GCFC2: variants seen among roughly 807,000 people sequenced by gnomAD.
The protein encoded by GCFC2 is intron Large complex component GCFC2.
In GCFC2, 102 loss-of-function variants were observed where a neutral mutation model predicts 99.4. The ratio of observed to expected loss-of-function variants is 1.03; its 90% CI spans 0.87 to 1.21. The LOEUF (loss-of-function observed/expected upper bound fraction) is 1.21, where lower values mean the gene tolerates loss of function less well. Among genes scored for constraint, GCFC2 ranks in the 50% most tolerant of loss-of-function variants. GCFC2 has a pLI of 0.00. For missense variants in GCFC2, 973 were observed against 920.9 expected, an observed-to-expected ratio of 1.06 and a Z score of -0.73; for synonymous variants, 338 against 316.8, an observed-to-expected ratio of 1.07 and a Z score of -0.71.
Position 75,679,868 on chromosome 2 carries a change from T to G in GCFC2, c.1812+325A>C, listed in dbSNP as rs73936783. On this transcript the variant is annotated intron_variant, in intron 12 of 16. Transcript: ENST00000321027. Reference sequence around the variant, plus strand: ...ACAGAGAAAAGTAAGCTAATAGGAATGAAAGTCATAATCTGGGTCCTTACA... The same window carrying G: ...ACAGAGAAAAGTAAGCTAATAGGAAGGAAAGTCATAATCTGGGTCCTTACA... 1,288 of 407,434 alleles carry G rather than the reference T, an allele frequency of 3.2e-3. 11 individuals carry two copies. Among genetic ancestry groups the G allele is most frequent in the African/African-American group, 0.024 (1,185 of 48,800 alleles). The allele number at this position is 407,434 out of a possible 1,614,324, so 25.2% of individuals were successfully genotyped here.
rs1488532394 is a variant in GCFC2 at position 75,663,713 on chromosome 2, A to G, written c.*953T>C. ...ATCTCTACAAAAAATTACAAAAATC[A>G]GCTGGGCATGGTGGCGCATGCCTAT... On this transcript the variant is annotated 3_prime_UTR_variant, in exon 17 of 17. Coordinates refer to ENST00000321027, the MANE Select transcript of GCFC2 (RefSeq NM_003203.5). 6.6e-6 allele frequency: 1 copy of G among 152,266 alleles called. No individual in the cohort carries two copies. The highest frequency in any genetic ancestry group is 2.4e-5 in the African/African-American group (1 of 41,424). 9.4% of individuals were successfully genotyped at this position (152,266 alleles called of 1,614,324 possible).
At chr2:75,705,898 C>T (rs562789558) in intron 2 of GCFC2, among the ~76,000 whole-genome samples, 4 of 152,284 alleles carry the variant, frequency 2.6e-5, no homozygotes, top group Admixed American at 1.3e-4. Context: ...TGCTGCAGTG[C>T]AAAAGCACCC....
chr2:75,702,768 G>A (rs921259793), intron 2 of GCFC2, among the ~76,000 whole-genome samples: 14 of 152,354 alleles, frequency 9.2e-5, no homozygotes, highest in African/African-American at 3.4e-4. Context: ...GCGCAGGGAT[G>A]TGGAGAGGGC....
chr2:75,690,757 T>G (rs1418386960), intron 7 of GCFC2, 38 bp from the exon 8 acceptor site: 7 of 1,014,840 alleles, frequency 6.9e-6, no homozygotes, highest in Non-Finnish European at 7.6e-6. Context: ...CTACAAATTC[T>G]CAAAAGAAAA....
chr2:75,705,372 C>T (rs1258957745), intron 2 of GCFC2, among the ~76,000 whole-genome samples: 1 of 151,506 alleles, frequency 6.6e-6, no homozygotes, highest in East Asian at 1.9e-4. Flanking sequence ...GTCTGTAATC[C>T]CAGCACTTTG....
chr2:75,694,138 A>C (rs1680202877), intron 6 of GCFC2, 103 bp downstream of exon 6: 6 of 402,388 alleles, frequency 1.5e-5, no homozygotes, highest in South Asian at 1.2e-4. Flanking sequence ...GTGTAGGAAA[A>C]ATACTAGAGA....
chr2:75,683,771 C>CAAAAGAAAAAA (rs1679683908), intron 11 of GCFC2, among the ~76,000 whole-genome samples: 1 of 60,424 alleles, frequency 1.7e-5, no homozygotes, highest in Non-Finnish European at 3.1e-5. Context: ...AAATGGAAAG[C>CAAAAGAAAAAA]AAAAAAAAAA....
chr2:75,663,296 A>G lies in GCFC2; in HGVS notation c.*1370T>C, dbSNP rs1218799879. ...ATTATCTTTTGAACAACAATTTGCA[A>G]AATATATTTACAGTTTCCCTTAAGT... is the stretch of plus-strand genomic sequence containing the variant. On this transcript the variant is annotated 3_prime_UTR_variant, in exon 17 of 17. Coordinates refer to ENST00000321027, the MANE Select transcript of GCFC2 (RefSeq NM_003203.5). 1.3e-5 allele frequency: 2 copies of G among 152,188 alleles called. No individual in the cohort carries two copies. The highest frequency in any genetic ancestry group is 2.9e-5 in the Non-Finnish European group (2 of 68,026). The allele number at this position is 152,188 out of a possible 1,614,324, so 9.4% of individuals were successfully genotyped here.
intron 6 of GCFC2, among the ~76,000 whole-genome samples, chr2:75,692,931 T>C (rs1456813550): frequency 6.6e-6 from 1 of 152,084 alleles, no homozygotes; most frequent in Non-Finnish European, 1.5e-5. Context: ...GAGCAACAAT[T>C]CCTCCTACTC....
chr2:75,712,340 T>C (rs536501341), upstream of GCFC2, among the ~76,000 whole-genome samples: 35 of 152,250 alleles, frequency 2.3e-4, no homozygotes, highest in African/African-American at 7.0e-4. Context: ...AGTGCACCAA[T>C]AGACATTCTA....
In GCFC2 at chr2:75,701,176, T is replaced by TA. The variant is rs1680572220; in HGVS notation, c.717+13dup. 1 of 1,390,180 alleles carries TA rather than the reference T, an allele frequency of 7.2e-7. No homozygotes were observed. The highest frequency in any genetic ancestry group is 1.0e-6 in the Non-Finnish European group (1 of 977,484). 86.1% of individuals were successfully genotyped at this position (1,390,180 alleles called of 1,614,324 possible). A position where few individuals can be genotyped will look rare whatever the true frequency, so the allele number is the denominator to read the frequency against. On this transcript the variant is annotated intron_variant, in intron 4 of 16. Coordinates refer to ENST00000321027, the MANE Select transcript of GCFC2 (RefSeq NM_003203.5). The stretch of plus-strand genomic sequence containing the variant: ...CCACAGGAATCTAATACACATGGGA[T>TA]AAAAAATGATTACCTCTATGATTTT...
At chr2:75,679,988 A>T (rs897069932) in intron 12 of GCFC2, 8 of 473,140 alleles carry the variant, frequency 1.7e-5, no homozygotes, top group Non-Finnish European at 2.6e-5. Flanking sequence ...AAGATAAAAA[A>T]TAGCCAAGTC....
chr2:75,698,290 C>T (rs1680421558), intron 4 of GCFC2, among the ~76,000 whole-genome samples: 1 of 152,002 alleles, frequency 6.6e-6, no homozygotes, highest in African/African-American at 2.4e-5. Context: ...ATTAGTAATA[C>T]AACTCTTGGC....
At position 75,680,306 on chromosome 2, in the gene GCFC2, C is replaced by G. The variant is rs759200662; in HGVS notation, c.1699G>C (p.Glu567Gln). Reference sequence around the variant, plus strand: ...GTTGACAAAGGATCCCAAAGGAATTCTACAAAGTCTGAAACAAATATTTCA... The same window carrying G: ...GTTGACAAAGGATCCCAAAGGAATTGTACAAAGTCTGAAACAAATATTTCA... ...TIIPRLTDFVEFLWDPLSTSQ... is the reference protein window; with the variant it reads ...TIIPRLTDFVQFLWDPLSTSQ... Residue 567 changes from glutamate to glutamine, a missense_variant, in exon 12 of 17, where the codon GAA becomes CAA. By Grantham distance (29) the Glu-to-Gln change is conservative. Coordinates refer to ENST00000321027, the MANE Select transcript of GCFC2 (RefSeq NM_003203.5). 3 of 1,610,090 alleles carry G rather than the reference C, an allele frequency of 1.9e-6. No homozygotes were observed. Among genetic ancestry groups the G allele is most frequent in the Non-Finnish European group, 2.5e-6 (3 of 1,177,026 alleles).
intron 13 of GCFC2, 119 bp downstream of exon 13, chr2:75,673,321 AAAAG>A: frequency 3.1e-6 from 2 of 650,274 alleles, no homozygotes; most frequent in Admixed American, 3.0e-5. Context: ...AGAAAAAAAA[AAAAG>A]AAACACAAAA....
chr2:75,710,945 G>C (rs977935849), upstream of GCFC2: 3 of 1,369,948 alleles, frequency 2.2e-6, no homozygotes, highest in Non-Finnish European at 2.8e-6. Context: ...CTCCCGCCGC[G>C]CCTGGCCGCC....
intron 16 of GCFC2, among the ~76,000 whole-genome samples, chr2:75,665,300 G>GC (rs899515493): frequency 1.2e-4 from 19 of 152,162 alleles, no homozygotes; most frequent in African/African-American, 4.6e-4. Flanking sequence ...TCAGGCGCAT[G>GC]CCACCATGCC....
chr2:75,692,163 ATATATAT>A (rs1376507260), intron 6 of GCFC2, 63 bp from the exon 7 acceptor site: 25 of 473,134 alleles, frequency 5.3e-5, no homozygotes, highest in African/African-American at 4.4e-4. Context: ...ATATATATAT[ATATATAT>A]AAAAGTAATA....
intron 16 of GCFC2, 137 bp from the exon 17 acceptor site, chr2:75,664,920 CAGAG>C: frequency 1.7e-6 from 1 of 595,584 alleles, no homozygotes; most frequent in East Asian, 2.7e-5. Context: ...GCATAAAACA[CAGAG>C]AGATGCTGCC....
Sources: allele counts gnomAD v4.1 joint callset (sites outside exome capture counted in the v4.1 genomes callset), GRCh38; gene constraint gnomAD v4.1.1; transcripts MANE v1.5; gene names NCBI Gene and HGNC (gene_info 2026-07-23, HGNC 2026-07-21).